CDH2: variants seen among roughly 807,000 people sequenced by gnomAD.
The protein encoded by CDH2 is cadherin-2.
A neutral mutation model predicts 92.0 loss-of-function variants in CDH2; 17 were observed. The observed-to-expected ratio is 0.18, with a 90% confidence interval of 0.13 to 0.28. CDH2 has a LOEUF of 0.28. CDH2 is among the 10% of genes least tolerant of loss of function. The pLI is 1.00. For missense variants in CDH2, 862 were observed against 1,133.1 expected (o/e 0.76, Z 3.44); for synonymous variants, 419 against 415.9 (o/e 1.01, Z -0.09).
intron 8 of CDH2, 115 bp downstream of exon 8, chr18:27,993,385 G>T: frequency 2.0e-6 from 2 of 992,478 alleles, no homozygotes; most frequent in African/African-American, 1.6e-5. Flanking sequence ...TAGCAGCCAT[G>T]CTACTATTAG....
At chr18:28,066,989 A>C (rs1397452942) in intron 2 of CDH2, among the ~76,000 whole-genome samples, 1 of 152,198 alleles carries the variant, frequency 6.6e-6, no homozygotes, top group Non-Finnish European at 1.5e-5. Flanking sequence ...CTATAAAAAC[A>C]AAACTTCATA....
At chr18:28,174,109 GTT>G (rs1224725030) in intron 1 of CDH2, among the ~76,000 whole-genome samples, 1 of 152,062 alleles carries the variant, frequency 6.6e-6, no homozygotes, top group Non-Finnish European at 1.5e-5. Flanking sequence ...AGACACTTCA[GTT>G]AACAATTCAA....
intron 2 of CDH2, among the ~76,000 whole-genome samples, chr18:28,071,578 A>G (rs1479006094): frequency 1.3e-5 from 2 of 152,212 alleles, no homozygotes; most frequent in African/African-American, 4.8e-5. Context: ...TTAGCCAGAA[A>G]GCAGGAAAGA....
rs372294245 is a variant in CDH2 at position 28,130,833 on chromosome 18, A to G, written c.172+16840T>C. Among the ~76,000 whole-genome samples the G allele has an allele frequency of 4.0e-4, 61 of 152,350 alleles. 1 individual carries two copies. The highest frequency in any genetic ancestry group is 1.3e-3 in the African/African-American group (54 of 41,582). On this transcript the variant is annotated intron_variant, in intron 2 of 15. Transcript: ENST00000269141. ...CAAAGTGGTCTAGAGTAGTAAAATG[A>G]CTAAATTTCCATAGGAGGGTGAGAC...
intron 2 of CDH2, among the ~76,000 whole-genome samples, chr18:28,139,942 T>C (rs2015926120): frequency 6.6e-6 from 1 of 152,028 alleles, no homozygotes. Flanking sequence ...TTGACATCTC[T>C]GATCTTCATC....
intron 2 of CDH2, among the ~76,000 whole-genome samples, chr18:28,120,679 T>G (rs1188608215): frequency 6.6e-6 from 1 of 152,068 alleles, no homozygotes; most frequent in Non-Finnish European, 1.5e-5. Flanking sequence ...GCATGATTTA[T>G]GCCCAAGTCA....
intron 2 of CDH2, among the ~76,000 whole-genome samples, chr18:28,143,593 T>C (rs996616313): frequency 2.6e-5 from 4 of 151,900 alleles, no homozygotes; most frequent in African/African-American, 9.7e-5. Flanking sequence ...ACACAAGTCA[T>C]GGTGGTAAAT....
chr18:27,935,668 A>G (rs1049150017), intron 6 of CDH2, among the ~76,000 whole-genome samples: 2 of 151,326 alleles, frequency 1.3e-5, no homozygotes, highest in Non-Finnish European at 3.0e-5. Flanking sequence ...TTATCTCTAC[A>G]TTAGACCAGA....
At chr18:27,994,689 T>G (rs749025483) in intron 7 of CDH2, among the ~76,000 whole-genome samples, 24 of 152,158 alleles carry the variant, frequency 1.6e-4, no homozygotes, top group Non-Finnish European at 3.1e-4. Flanking sequence ...TTTCTAAATA[T>G]AGCTAACATT....
downstream of CDH2, among the ~76,000 whole-genome samples, chr18:27,950,668 T>C (rs17445517): frequency 6.6e-6 from 1 of 152,098 alleles, no homozygotes. Flanking sequence ...AGAAACAAAT[T>C]AAAACATGAG....
At chr18:27,971,634 G>A (rs2011662616) in intron 14 of CDH2, among the ~76,000 whole-genome samples, 1 of 152,150 alleles carries the variant, frequency 6.6e-6, no homozygotes, top group Non-Finnish European at 1.5e-5. Flanking sequence ...AGTGTTTTGA[G>A]AATAGCATGC....
At chr18:28,126,562 T>G (rs1232251962) in intron 2 of CDH2, among the ~76,000 whole-genome samples, 3 of 152,114 alleles carry the variant, frequency 2.0e-5, no homozygotes, top group Non-Finnish European at 2.9e-5. Context: ...TCATGCAAAT[T>G]TGATATACTT....
At chr18:27,956,502 G>C (rs1457557318) in intron 15 of CDH2, among the ~76,000 whole-genome samples, 1 of 152,150 alleles carries the variant, frequency 6.6e-6, no homozygotes, top group African/African-American at 2.4e-5. Flanking sequence ...AGGTCTTACT[G>C]TTTCCTTTAC....
Position 28,085,744 on chromosome 18 carries a change from T to C in CDH2, c.172+61929A>G, listed in dbSNP as rs543906046. On this transcript the variant is annotated intron_variant, in intron 2 of 15. Coordinates refer to ENST00000269141, the MANE Select transcript of CDH2 (RefSeq NM_001792.5). Reference sequence around the variant, plus strand: ...TCTGGTCCCATACTCTATATTCCTATTCTCAACCCTAGAGTCACGGTAATC... The same window carrying C: ...TCTGGTCCCATACTCTATATTCCTACTCTCAACCCTAGAGTCACGGTAATC... Among the ~76,000 whole-genome samples, 13 of 152,304 alleles carry C rather than the reference T, an allele frequency of 8.5e-5. 1 individual carries two copies. The South Asian group carries it at 2.7e-3, about 32-fold the overall frequency.
intron 2 of CDH2, among the ~76,000 whole-genome samples, chr18:28,063,396 G>A (rs2014442703): frequency 1.2e-4 from 19 of 152,162 alleles, no homozygotes. Flanking sequence ...CTGTTTCAGG[G>A]AATGAGAAGA....
At chr18:28,025,485 T>A in intron 2 of CDH2, among the ~76,000 whole-genome samples, 1 of 151,086 alleles carries the variant, frequency 6.6e-6, no homozygotes, top group African/African-American at 2.4e-5. Flanking sequence ...ACCACTGAAC[T>A]CCAACCTGGG....
intron 1 of CDH2, among the ~76,000 whole-genome samples, chr18:28,163,786 C>T (rs1458732161): frequency 6.6e-6 from 1 of 152,114 alleles, no homozygotes; most frequent in Non-Finnish European, 1.5e-5. Context: ...ATGCATGATA[C>T]ATGTATACAT....
intron 2 of CDH2, among the ~76,000 whole-genome samples, chr18:28,095,807 C>CAAAAAAAAAAAAAAAAAAAAAAAA (rs33981188): frequency 1.9e-5 from 2 of 102,934 alleles, no homozygotes; most frequent in African/African-American, 8.2e-5. Context: ...GCAACTCCAT[C>CAAAAAAAAAAAAAAAAAAAAAAAA]AAAAAAAAAA....
chr18:27,990,313 G>C lies in CDH2; in HGVS notation c.1382C>G (p.Thr461Ser). The C allele has an allele frequency of 6.2e-7, 1 of 1,613,682 alleles. No homozygotes were observed. The highest frequency in any genetic ancestry group is 8.5e-7 in the Non-Finnish European group (1 of 1,179,656). Residue 461 changes from threonine (T) to serine (S), a missense_variant, in exon 10 of 16, where the codon ACT becomes AGT. Physicochemically the swap from Thr to Ser is moderately conservative, Grantham distance 58. Around this residue, in one of 5 missense-constraint regions of CDH2, gnomAD observed 564 missense variants for 722.2 expected, o/e 0.78. Coordinates refer to ENST00000269141, the MANE Select transcript of CDH2 (RefSeq NM_001792.5). Reference sequence around the variant, plus strand: ...TGGCACTTGATTTTCTGCAGCAACAGTAAGGACAAACATCCTATTTGTTTC... The same window carrying C: ...TGGCACTTGATTTTCTGCAGCAACACTAAGGACAAACATCCTATTTGTTTC... ...DFETNRMFVLTVAAENQVPLA... is the reference protein window; with the variant it reads ...DFETNRMFVLSVAAENQVPLA...
Sources: gnomAD v4.1 joint callset for allele counts (sites outside exome capture counted in the v4.1 genomes callset) on GRCh38, gnomAD v4.1.1 for gene constraint, gnomAD v4.1.1 regional missense constraint, MANE v1.5 for transcripts, NCBI Gene and HGNC (gene_info 2026-07-23, HGNC 2026-07-21) for gene names.